Variants in NRG1 observed in about 807,000 individuals in gnomAD.
NRG1 encodes pro-neuregulin-1, membrane-bound isoform.
NRG1 carries 18 observed loss-of-function variants against 63.8 expected under a neutral mutation model. The ratio of observed to expected loss-of-function variants is 0.28; its 90% CI spans 0.19 to 0.42. The LOEUF (loss-of-function observed/expected upper bound fraction) is 0.42. NRG1 is among the 10% of genes least tolerant of loss of function. The pLI is 1.00. For missense variants in NRG1, 762 were observed against 814.7 expected (o/e 0.94, Z 0.79); for synonymous variants, 302 against 301.3 (o/e 1.00, Z -0.02).
intron 1 of NRG1, among the ~76,000 whole-genome samples, chr8:31,981,794 C>A (rs1809146843): frequency 6.6e-6 from 1 of 151,452 alleles, no homozygotes; most frequent in Non-Finnish European, 1.5e-5. Flanking sequence ...CAATCAATCT[C>A]ATAATTAAAT....
At chr8:32,496,041 C>T (rs901734798) in intron 1 of NRG1, among the ~76,000 whole-genome samples, 1 of 152,070 alleles carries the variant, frequency 6.6e-6, no homozygotes. Flanking sequence ...TCCTCCAGGA[C>T]TTTTACAAAG....
At chr8:32,193,574 T>C (rs1842696200) in intron 1 of NRG1, among the ~76,000 whole-genome samples, 1 of 152,128 alleles carries the variant, frequency 6.6e-6, no homozygotes, top group South Asian at 2.1e-4. Context: ...CAGCATGTGA[T>C]TGCAGAACAA....
chr8:32,614,626 T>C (rs1846999017), intron 4 of NRG1, 62 bp downstream of exon 4: 2 of 1,501,760 alleles, frequency 1.3e-6, no homozygotes, highest in Non-Finnish European at 1.9e-6. Context: ...TGCTGGCTGC[T>C]CCTTCTACTA....
chr8:32,080,753 TTGTGTGTGTGCG>T (rs1272028911), intron 1 of NRG1, among the ~76,000 whole-genome samples: 1 of 121,296 alleles, frequency 8.2e-6, no homozygotes, highest in African/African-American at 3.2e-5. Context: ...CAGAACCAAT[TTGTGTGTGTGCG>T]TGTGTGTGTG....
At chr8:32,368,946 A>G (rs1183044035) in intron 1 of NRG1, among the ~76,000 whole-genome samples, 5 of 152,226 alleles carry the variant, frequency 3.3e-5, no homozygotes, top group Non-Finnish European at 4.4e-5. Flanking sequence ...TTCTCTATAC[A>G]CCTGTAACAT....
chr8:32,209,667 T>C (rs1331148660), intron 1 of NRG1, among the ~76,000 whole-genome samples: 1 of 152,158 alleles, frequency 6.6e-6, no homozygotes, highest in Non-Finnish European at 1.5e-5. Context: ...CTTCATCCAC[T>C]TGGAGATCAC....
At chr8:32,640,383 C>T (rs1005358118) in intron 5 of NRG1, among the ~76,000 whole-genome samples, 11 of 151,760 alleles carry the variant, frequency 7.2e-5, no homozygotes, top group African/African-American at 2.2e-4. Context: ...TCTTCTATGT[C>T]GTTTTCATTT....
At chr8:32,751,728 G>A (rs1036275823) in intron 7 of NRG1, among the ~76,000 whole-genome samples, 11 of 152,068 alleles carry the variant, frequency 7.2e-5, no homozygotes. Flanking sequence ...ATTACCCTTT[G>A]GCCTTTACTG....
intron 1 of NRG1, among the ~76,000 whole-genome samples, chr8:32,515,206 T>C (rs1231993946): frequency 1.3e-5 from 2 of 152,164 alleles, no homozygotes; most frequent in Admixed American, 6.6e-5. Flanking sequence ...CTTTTCACAG[T>C]GGCTGAACTA....
chr8:32,526,022 C>A (rs1387861400), intron 1 of NRG1, among the ~76,000 whole-genome samples: 9 of 152,154 alleles, frequency 5.9e-5, no homozygotes, highest in African/African-American at 2.2e-4. Flanking sequence ...GTACTAGTTA[C>A]CTATTGCTAT....
chr8:31,858,416 C>T (rs1288165381), intron 1 of NRG1, among the ~76,000 whole-genome samples: 1 of 152,058 alleles, frequency 6.6e-6, no homozygotes, highest in Admixed American at 6.6e-5. Flanking sequence ...GCCTCATGAG[C>T]TGAGAGAAAA....
At chr8:32,605,762 T>G (rs1845153845) in intron 3 of NRG1, 79 bp downstream of exon 3, 2 of 1,482,718 alleles carry the variant, frequency 1.3e-6, no homozygotes, top group Non-Finnish European at 9.2e-7. Context: ...CATAATAGAC[T>G]GGTGTGTTAA....
chr8:32,595,033 G>A (rs79893423), intron 1 of NRG1, among the ~76,000 whole-genome samples: 2,169 of 152,212 alleles, frequency 0.014, 56 homozygotes, highest in African/African-American at 0.049. Flanking sequence ...GATAAAGTCA[G>A]CCACTTACTT....
chr8:32,544,567 T>A (rs1473729393), upstream of NRG1, among the ~76,000 whole-genome samples: 1 of 151,234 alleles, frequency 6.6e-6, no homozygotes, highest in Non-Finnish European at 1.5e-5. Context: ...CAGTGGCACA[T>A]TTATGGCTTA....
At chr8:32,738,028 T>G (rs993407179) in intron 6 of NRG1, among the ~76,000 whole-genome samples, 14 of 152,066 alleles carry the variant, frequency 9.2e-5, no homozygotes, top group Admixed American at 2.6e-4. Context: ...GGTCTGATCT[T>G]AAGTTCATTT....
chr8:32,415,830 T>G (rs1157883895), intron 1 of NRG1, among the ~76,000 whole-genome samples: 1 of 152,214 alleles, frequency 6.6e-6, no homozygotes, highest in Admixed American at 6.5e-5. Context: ...TTCACCCTAT[T>G]GAAAATCATG....
At position 32,011,186 on chromosome 8, in the gene NRG1, G is replaced by A. The variant is rs151120983; in HGVS notation, c.37+371755G>A. ...GGAAGTTTGAAAGAAAAATGTATGCGTCTCCCGTAGAGCCCATGAACTTGT... is the reference window on the plus strand; with the variant it reads ...GGAAGTTTGAAAGAAAAATGTATGCATCTCCCGTAGAGCCCATGAACTTGT... On this transcript the variant is annotated intron_variant, in intron 1 of 10. Transcript: ENST00000519301. Among the ~76,000 whole-genome samples the A allele has an allele frequency of 2.5e-3, 373 of 152,136 alleles. 3 individuals are homozygous for A. Among genetic ancestry groups the A allele is most frequent in the African/African-American group, 8.5e-3 (351 of 41,534 alleles).
chr8:31,983,926 G>A (rs1177905886), intron 1 of NRG1, among the ~76,000 whole-genome samples: 1 of 152,100 alleles, frequency 6.6e-6, no homozygotes, highest in Non-Finnish European at 1.5e-5. Context: ...GAATGTCGAA[G>A]ACCAAAGGGG....
At chr8:32,049,451 A>T (rs1821622646) in intron 1 of NRG1, among the ~76,000 whole-genome samples, 1 of 152,136 alleles carries the variant, frequency 6.6e-6, no homozygotes, top group Non-Finnish European at 1.5e-5. Context: ...TTTTTCATTG[A>T]GCCTCTGGCT....
Sources: gnomAD v4.1 joint callset for allele counts (sites outside exome capture counted in the v4.1 genomes callset) on GRCh38, gnomAD v4.1.1 for gene constraint, MANE v1.5 for transcripts, NCBI Gene and HGNC (gene_info 2026-07-23, HGNC 2026-07-21) for gene names.